CADPS2: variants seen among roughly 807,000 people sequenced by gnomAD.
The protein encoded by CADPS2 is calcium-dependent secretion activator 2.
In CADPS2, 93 loss-of-function variants were observed where a neutral mutation model predicts 172.5. The ratio of observed to expected loss-of-function variants is 0.54; its 90% confidence interval spans 0.46 to 0.64. CADPS2 has a LOEUF of 0.64. Ranked by LOEUF, CADPS2 falls within the 30% of genes least tolerant of loss-of-function variation. The pLI is 0.00. For synonymous variants in CADPS2, 546 were observed against 555.2 expected (o/e 0.98, Z 0.23); for missense variants, 1,420 against 1,565.9 (o/e 0.91, Z 1.57).
chr7:122,772,188 AC>A (rs1391869745), intron 1 of CADPS2, among the ~76,000 whole-genome samples: 1 of 152,206 alleles, frequency 6.6e-6, no homozygotes, highest in East Asian at 1.9e-4. Flanking sequence ...GCCTATAAAA[AC>A]ATCCACATTT....
chr7:122,332,804 C>G (rs2035206054), intron 28 of CADPS2, among the ~76,000 whole-genome samples: 1 of 152,162 alleles, frequency 6.6e-6, no homozygotes, highest in South Asian at 2.1e-4. Context: ...TCAAAATACC[C>G]TTCATTCCAA....
intron 2 of CADPS2, among the ~76,000 whole-genome samples, chr7:122,690,460 G>C (rs1214328442): frequency 6.6e-6 from 1 of 152,224 alleles, no homozygotes; most frequent in Admixed American, 6.5e-5. Flanking sequence ...GGAGTAACAT[G>C]TAAGTTATAC....
rs187983171 is a variant in CADPS2 at position 122,521,562 on chromosome 7, T to G, written c.1476-8247A>C. On this transcript the variant is annotated intron_variant, in intron 8 of 29. Transcript: ENST00000449022. ...ACTGGGACCTGGGCATTAAGAAACT[T>G]AGAAGTAAATACTTTCTGGTTGGTT... Among the ~76,000 whole-genome samples, 288 of 152,126 alleles carry G rather than the reference T, an allele frequency of 1.9e-3. 1 individual carries two copies. The highest frequency in any genetic ancestry group is 3.4e-3 in the Non-Finnish European group (233 of 67,984).
intron 12 of CADPS2, among the ~76,000 whole-genome samples, chr7:122,479,302 A>G (rs894587342): frequency 6.6e-6 from 1 of 152,158 alleles, no homozygotes; most frequent in African/African-American, 2.4e-5. Flanking sequence ...ATTTACCACT[A>G]CTCACATCTG....
intron 6 of CADPS2, among the ~76,000 whole-genome samples, chr7:122,591,832 T>C (rs2070853005): frequency 2.6e-5 from 4 of 152,060 alleles, no homozygotes; most frequent in Admixed American, 2.0e-4. Flanking sequence ...ATACAAAAAT[T>C]AACTCAAGAT....
rs200360514 is a variant in CADPS2, at chr7:122,388,696, A to T, written c.3051T>A (p.Asp1017Glu). Residue 1017 changes from aspartate to glutamate, a missense_variant, in exon 23 of 30, where the codon GAT becomes GAA. By Grantham distance (45) the Asp-to-Glu change is conservative. Coordinates refer to ENST00000449022, the MANE Select transcript of CADPS2 (RefSeq NM_017954.11). ...GATCAAAGACAAACATTTGCAGTGC[A>T]TCAAGCTTCCAAAAAAGGTCTTCTG... Reference protein sequence around the residue: ...ATSEDLFWKLDALQMFVFDLH... With the variant: ...ATSEDLFWKLEALQMFVFDLH... 350 of 1,609,650 alleles carry T rather than the reference A, an allele frequency of 2.2e-4. No homozygotes were observed. Among genetic ancestry groups the T allele is most frequent in the Non-Finnish European group, 2.9e-4 (339 of 1,177,254 alleles).
chr7:122,858,191 G>T (rs1815865670), intron 1 of CADPS2, among the ~76,000 whole-genome samples: 1 of 152,156 alleles, frequency 6.6e-6, no homozygotes, highest in South Asian at 2.1e-4. Flanking sequence ...GCTGATTGGT[G>T]CATTTTACAA....
intron 7 of CADPS2, among the ~76,000 whole-genome samples, chr7:122,562,492 C>A (rs1441578000): frequency 6.6e-6 from 1 of 152,126 alleles, no homozygotes; most frequent in African/African-American, 2.4e-5. Flanking sequence ...AGGAACAGAA[C>A]CCTGCTGAGA....
chr7:122,579,350 T>C (rs1226873954), intron 7 of CADPS2, among the ~76,000 whole-genome samples: 1 of 151,144 alleles, frequency 6.6e-6, no homozygotes, highest in Non-Finnish European at 1.5e-5. Context: ...ACATCAATAG[T>C]GCTAAGGTTG....
At chr7:122,329,121 C>T (rs1043205094) in intron 28 of CADPS2, among the ~76,000 whole-genome samples, 2 of 152,190 alleles carry the variant, frequency 1.3e-5, no homozygotes, top group African/African-American at 4.8e-5. Flanking sequence ...GAAATTGCCA[C>T]ACCAGGGCTA....
chr7:122,591,320 C>A (rs1267243438), intron 6 of CADPS2, among the ~76,000 whole-genome samples: 3 of 152,066 alleles, frequency 2.0e-5, no homozygotes, highest in Non-Finnish European at 4.4e-5. Flanking sequence ...CAAACCACTG[C>A]TCAGTGAAAT....
At chr7:122,320,392 T>C (rs1183921852) in intron 29 of CADPS2, 54 bp from the exon 30 acceptor site, 6 of 1,393,448 alleles carry the variant, frequency 4.3e-6, no homozygotes, top group South Asian at 1.5e-5. Flanking sequence ...TGCGTGTACA[T>C]AGATATATAC....
At chr7:122,352,661 TC>T (rs752749847) in intron 27 of CADPS2, among the ~76,000 whole-genome samples, 7 of 152,162 alleles carry the variant, frequency 4.6e-5, no homozygotes, top group Non-Finnish European at 8.8e-5. Flanking sequence ...AGAGCTCCAT[TC>T]CCCGAGTTCT....
At position 122,446,582 on chromosome 7, in the gene CADPS2, C is replaced by T. The variant is rs528385841; in HGVS notation, c.2288+4792G>A. On this transcript the variant is annotated intron_variant, in intron 15 of 29. Transcript: ENST00000449022. ...GTCCTGTGTGTTAGCATTAGAGATT[C>T]CCCCCATAAGCCTTTCCTGTGGTTC... is the stretch of plus-strand genomic sequence containing the variant. Among the ~76,000 whole-genome samples the T allele has an allele frequency of 2.0e-5, 3 of 152,252 alleles. No homozygotes were observed. In the South Asian group the frequency reaches 6.2e-4, roughly 32 times the overall value.
At chr7:122,479,964 A>G (rs1174751208) in intron 12 of CADPS2, among the ~76,000 whole-genome samples, 1 of 152,202 alleles carries the variant, frequency 6.6e-6, no homozygotes, top group Admixed American at 6.5e-5. Flanking sequence ...GTATTATGTG[A>G]CACACACATT....
intron 28 of CADPS2, among the ~76,000 whole-genome samples, chr7:122,335,008 T>G (rs1314581356): frequency 6.6e-6 from 1 of 152,206 alleles, no homozygotes; most frequent in African/African-American, 2.4e-5. Flanking sequence ...GGGTTTCAAC[T>G]TTCTATTCTC....
At chr7:122,682,591 G>GA (rs199818209) in intron 2 of CADPS2, among the ~76,000 whole-genome samples, 63 of 151,774 alleles carry the variant, frequency 4.2e-4, no homozygotes, top group Non-Finnish European at 6.3e-4. Context: ...TTTACTATCT[G>GA]AAAAAAAATA....
At chr7:122,415,664 T>C (rs1216443780) in intron 18 of CADPS2, among the ~76,000 whole-genome samples, 1 of 136,610 alleles carries the variant, frequency 7.3e-6, no homozygotes, top group African/African-American at 2.8e-5. Context: ...GAAATAAAAA[T>C]ATCTTCTTGC....
intron 3 of CADPS2, among the ~76,000 whole-genome samples, chr7:122,651,365 T>C (rs968329170): frequency 1.3e-5 from 2 of 152,076 alleles, no homozygotes; most frequent in Non-Finnish European, 2.9e-5. Flanking sequence ...AATGAAGATG[T>C]CCAAAATGGT....
Sources: gnomAD v4.1 joint callset for allele counts (sites outside exome capture counted in the v4.1 genomes callset) on GRCh38, gnomAD v4.1.1 for gene constraint, MANE v1.5 for transcripts, NCBI Gene and HGNC (gene_info 2026-07-23, HGNC 2026-07-21) for gene names.